The following SRR variants were observed in gnomAD, a reference collection of about 807,000 sequenced individuals.
SRR encodes serine racemase, also known as D-serine ammonia-lyase.
In SRR, 19 loss-of-function variants were observed where a neutral mutation model predicts 32.7. The observed-to-expected ratio is 0.58, with a 90% CI of 0.40 to 0.85. The LOEUF (loss-of-function observed/expected upper bound fraction) is 0.85. Ranked by LOEUF, SRR falls within the 40% of genes least tolerant of loss-of-function variation. The pLI is 0.00. For synonymous variants in SRR, 142 were observed against 140.9 expected (o/e 1.01, Z -0.06); for missense variants, 373 against 404.7 (o/e 0.92, Z 0.67).
intron 4 of SRR, 21 bp from the exon 5 acceptor site, chr17:2,321,285 G>C: frequency 6.2e-7 from 1 of 1,611,812 alleles, no homozygotes; most frequent in Non-Finnish European, 8.5e-7. Flanking sequence ...AATCAATTAA[G>C]CTAAATTAAT....
At chr17:2,313,614 T>G (rs976767244) in intron 1 of SRR, among the ~76,000 whole-genome samples, 8 of 151,678 alleles carry the variant, frequency 5.3e-5, no homozygotes, top group African/African-American at 1.9e-4. Flanking sequence ...TGGGCGCCTG[T>G]AATGCCAGCA....
rs767677703 is a variant in SRR, at chr17:2,324,661, A to T, written c.*788A>T. 6.2e-7 allele frequency: 1 copy of T among 1,613,936 alleles called. No homozygotes were observed. Among genetic ancestry groups the T allele is most frequent in the East Asian group, 2.2e-5 (1 of 44,898 alleles). ...CAACCTTTATACCACAAAGGCAATCAGATCCCATCCTCCTCCTTCATACCC... is the reference window on the plus strand; with the variant it reads ...CAACCTTTATACCACAAAGGCAATCTGATCCCATCCTCCTCCTTCATACCC... On this transcript the variant is annotated 3_prime_UTR_variant, in exon 8 of 8. Transcript: ENST00000344595.
At chr17:2,304,290 C>A (rs1299116917) in intron 1 of SRR, among the ~76,000 whole-genome samples, 1 of 132,200 alleles carries the variant, frequency 7.6e-6, no homozygotes, top group African/African-American at 2.8e-5. Flanking sequence ...CTGTTGGAGA[C>A]TCCCGGGCTG....
Position 2,323,912 on chromosome 17 carries a change from G to C in SRR, c.*39G>C, listed in dbSNP as rs777454429. ...AAATGGTGGGAATTCAGTGTCTTTAGATACTGAAGACATTTTGTTTCCTAG... is the reference window on the plus strand; with the variant it reads ...AAATGGTGGGAATTCAGTGTCTTTACATACTGAAGACATTTTGTTTCCTAG... On this transcript the variant is annotated 3_prime_UTR_variant, in exon 8 of 8. Coordinates refer to ENST00000344595, the MANE Select transcript of SRR (RefSeq NM_021947.3). The C allele has an allele frequency of 1.3e-6, 2 of 1,557,930 alleles. No homozygotes were observed. Among genetic ancestry groups the C allele is most frequent in the East Asian group, 4.5e-5 (2 of 44,520 alleles).
Position 2,325,160 on chromosome 17 carries a change from ATGTT to A in SRR, c.*1288_*1291del, listed in dbSNP as rs1168169783. The A allele has an allele frequency of 1.5e-6, 1 of 673,714 alleles. No individual in the cohort carries two copies. Among genetic ancestry groups the A allele is most frequent in the Non-Finnish European group, 2.5e-6 (1 of 405,312 alleles). The allele number at this position is 673,714 out of a possible 1,614,324, so 41.7% of individuals were successfully genotyped here. ...TGGAGTTTTCATTGTTCTATTAACAATGTTAAATGAAGACTTACTGTATTTTGAA... is the reference window on the plus strand; with the variant it reads ...TGGAGTTTTCATTGTTCTATTAACAAAAATGAAGACTTACTGTATTTTGAA... On this transcript the variant is annotated 3_prime_UTR_variant, in exon 8 of 8. Coordinates refer to ENST00000344595, the MANE Select transcript of SRR (RefSeq NM_021947.3).
At chr17:2,305,831 G>T (rs1346332668) in intron 1 of SRR, among the ~76,000 whole-genome samples, 1 of 151,768 alleles carries the variant, frequency 6.6e-6, no homozygotes, top group Non-Finnish European at 1.5e-5. Flanking sequence ...CTGAGTAGCT[G>T]GTATTACAGG....
intron 2 of SRR, among the ~76,000 whole-genome samples, chr17:2,317,639 C>T (rs1383835284): frequency 6.6e-6 from 1 of 151,850 alleles, no homozygotes; most frequent in African/African-American, 2.4e-5. Flanking sequence ...TGTGGGGAGG[C>T]GGACGTTGCA....
intron 1 of SRR, among the ~76,000 whole-genome samples, chr17:2,309,174 G>C (rs1208696281): frequency 1.3e-5 from 2 of 152,114 alleles, no homozygotes; most frequent in Non-Finnish European, 2.9e-5. Flanking sequence ...TGTTGCCCAG[G>C]CTGGTCTCAA....
chr17:2,305,742 C>G (rs1395639357), intron 1 of SRR, among the ~76,000 whole-genome samples: 1 of 152,050 alleles, frequency 6.6e-6, no homozygotes, highest in East Asian at 1.9e-4. Context: ...TCTTGTTGCC[C>G]AGGCTGGAGT....
At chr17:2,315,498 T>G (rs750852346) in intron 1 of SRR, 59 bp from the exon 2 acceptor site, 172 of 1,510,786 alleles carry the variant, frequency 1.1e-4, no homozygotes, top group Non-Finnish European at 1.4e-4. Flanking sequence ...TCAAAATCTC[T>G]TCAATAAACA....
At chr17:2,316,062 A>G (rs1352302289) in intron 2 of SRR, among the ~76,000 whole-genome samples, 1 of 152,118 alleles carries the variant, frequency 6.6e-6, no homozygotes, top group Admixed American at 6.5e-5. Context: ...CAGACCACCT[A>G]TATGATGGTG....
chr17:2,318,794 CCTGA>C (rs571979185), intron 3 of SRR, 28 bp from the exon 4 acceptor site: 67 of 1,544,898 alleles, frequency 4.3e-5, no homozygotes, highest in African/African-American at 1.2e-4. Flanking sequence ...TCTAAATTCT[CCTGA>C]CTTTTTCCTC....
At chr17:2,303,484 C>T (rs1391027769), upstream of SRR, 56 of 1,329,056 alleles carry the variant, frequency 4.2e-5, no homozygotes, top group Admixed American at 1.3e-4. Context: ...AGAGGTAGGG[C>T]AGCGAGGGTC....
chr17:2,303,653 G>A, upstream of SRR: 2 of 1,489,750 alleles, frequency 1.3e-6, no homozygotes, highest in Non-Finnish European at 1.8e-6. Flanking sequence ...GGCCTGCGGG[G>A]CCAGAGTAGC....
intron 4 of SRR, among the ~76,000 whole-genome samples, chr17:2,320,370 C>T (rs531318908): frequency 6.7e-6 from 1 of 150,348 alleles, no homozygotes; most frequent in African/African-American, 2.4e-5. Flanking sequence ...ATTCTTCTGC[C>T]TCAGCCTCCC....
intron 1 of SRR, chr17:2,307,437 T>C: frequency 7.4e-7 from 1 of 1,357,076 alleles, no homozygotes; most frequent in Non-Finnish European, 1.0e-6. Context: ...GTGGTCATGG[T>C]GGCTTTGGTG....
chr17:2,319,414 G>A (rs886430078), intron 4 of SRR, among the ~76,000 whole-genome samples: 1 of 152,066 alleles, frequency 6.6e-6, no homozygotes, highest in Non-Finnish European at 1.5e-5. Flanking sequence ...TCAGCCTGTT[G>A]AGTAGCTAGG....
intron 2 of SRR, among the ~76,000 whole-genome samples, chr17:2,316,206 A>G (rs1439468666): frequency 6.6e-6 from 1 of 152,196 alleles, no homozygotes; most frequent in Non-Finnish European, 1.5e-5. Context: ...TTTGCAGCCT[A>G]GGAGTAATAG....
chr17:2,312,353 T>C (rs762761483), intron 1 of SRR, among the ~76,000 whole-genome samples: 1 of 152,168 alleles, frequency 6.6e-6, no homozygotes, highest in Non-Finnish European at 1.5e-5. Flanking sequence ...CTCAGCACTT[T>C]GGGAGTCTGA....
Sources: gnomAD v4.1 joint callset for allele counts (sites outside exome capture counted in the v4.1 genomes callset) on GRCh38, gnomAD v4.1.1 for gene constraint, MANE v1.5 for transcripts, NCBI Gene and HGNC (gene_info 2026-07-23, HGNC 2026-07-21) for gene names.